Variants in SUPT6H observed in about 807,000 individuals in gnomAD.
The protein encoded by SUPT6H is transcription elongation factor SPT6.
SUPT6H carries 11 observed loss-of-function variants against 222.3 expected under a neutral mutation model. The observed-to-expected ratio is 0.05, with a 90% CI of 0.03 to 0.08. The LOEUF (loss-of-function observed/expected upper bound fraction) is 0.08, where lower values mean the gene tolerates loss of function less well. SUPT6H is among the 10% of genes least tolerant of loss of function. The pLI is 1.00. For synonymous variants in SUPT6H, 762 were observed against 801.2 expected (o/e 0.95, Z 0.83); for missense variants, 1,422 against 2,216.0 (o/e 0.64, Z 7.19).
chr17:28,673,078 G>T (rs1010324638), intron 1 of SUPT6H, among the ~76,000 whole-genome samples: 5 of 151,634 alleles, frequency 3.3e-5, no homozygotes, highest in African/African-American at 1.2e-4. Context: ...TTGAACCCAG[G>T]AGGTGGAGGT....
intron 11 of SUPT6H, among the ~76,000 whole-genome samples, chr17:28,680,190 C>G (rs2031018736): frequency 6.6e-6 from 1 of 150,586 alleles, no homozygotes. Context: ...CCTGTAATCC[C>G]AGCTACTCAG....
At position 28,681,920 on chromosome 17, in the gene SUPT6H, C is replaced by T; in HGVS notation, c.1537C>T (p.Pro513Ser). The change falls in exon 13 of 37, where the codon CCT becomes TCT. Residue 513 changes from proline (P) to serine (S), a missense_variant. Physicochemically the swap from Pro to Ser is moderately conservative, Grantham distance 74. Coordinates refer to ENST00000314616, the MANE Select transcript of SUPT6H (RefSeq NM_003170.5). ...GGCAGAAGATGAGGAGCAGAGGGGG[C>T]CTGAGCTCAAGCAAGCCTCTCGCCG... ...DEAEDEEQRGPELKQASRRDM... is the reference protein window; with the variant it reads ...DEAEDEEQRGSELKQASRRDM... 1 of 1,610,536 alleles carries T rather than the reference C, an allele frequency of 6.2e-7. No individual in the cohort carries two copies. The highest frequency in any genetic ancestry group is 8.5e-7 in the Non-Finnish European group (1 of 1,179,170).
rs1567708652 is a variant in SUPT6H, at chr17:28,701,803, AT to A, written c.*179del. 1.5e-6 allele frequency: 1 copy of A among 645,166 alleles called. No homozygotes were observed. The highest frequency in any genetic ancestry group is 2.6e-6 in the Non-Finnish European group (1 of 385,720). The allele number at this position is 645,166 out of a possible 1,614,324, so 40.0% of individuals were successfully genotyped here. ...GGCCTTGTGAACTTGAGCTCAGTGT[AT>A]GCTAGGCAACAATTCTCCCGCTCCA... On this transcript the variant is annotated 3_prime_UTR_variant, in exon 37 of 37. Transcript: ENST00000314616.
In SUPT6H at chr17:28,683,171, C is replaced by A. The variant is rs544393037; in HGVS notation, c.1878+79C>A. 1.8e-5 allele frequency: 28 copies of A among 1,572,150 alleles called. No individual in the cohort carries two copies. The African/African-American group carries it at 2.7e-4, about 15-fold the overall frequency. On this transcript the variant is annotated intron_variant, in intron 15 of 36. Coordinates refer to ENST00000314616, the MANE Select transcript of SUPT6H (RefSeq NM_003170.5). ...TGCCTGAGTTTCTTGCCTTCCACTT[C>A]ACTGAGCTGTGTGTCTGAAAGCAGA...
intron 11 of SUPT6H, 85 bp downstream of exon 11, chr17:28,679,048 ATG>A: frequency 6.4e-7 from 1 of 1,558,764 alleles, no homozygotes. Flanking sequence ...ACCTTGGAGA[ATG>A]TGTAGCACAG....
In SUPT6H at chr17:28,687,389, G is replaced by T. The variant is rs372367626; in HGVS notation, c.2924G>T (p.Arg975Leu). 1.9e-6 allele frequency: 3 copies of T among 1,614,154 alleles called. No homozygotes were observed. The highest frequency in any genetic ancestry group is 1.7e-5 in the Admixed American group (1 of 60,012). ...RVNEVGVDVN[R>L]AIAHPYSQAL... The stretch of plus-strand genomic sequence containing the variant: ...AATGAGGTCGGGGTCGATGTCAACC[G>T]TGCCATTGCCCACCCTTACAGCCAG... Residue 975 changes from arginine to leucine, a missense_variant, in exon 23 of 37, where the codon CGT (arginine) becomes CTT (leucine). Coordinates refer to ENST00000314616, the MANE Select transcript of SUPT6H (RefSeq NM_003170.5).
Position 28,684,897 on chromosome 17 carries a change from T to A in SUPT6H, c.2423T>A (p.Phe808Tyr), listed in dbSNP as rs756018519. The A allele has an allele frequency of 1.2e-6, 2 of 1,614,238 alleles. No homozygotes were observed. Among genetic ancestry groups the A allele is most frequent in the Non-Finnish European group, 1.7e-6 (2 of 1,180,042 alleles). ...AATGGTGAAGGAGAAGTGACAGACTTCCTTCGACTGCCCCATTTTACCAAA... is the reference window on the plus strand; with the variant it reads ...AATGGTGAAGGAGAAGTGACAGACTACCTTCGACTGCCCCATTTTACCAAA... ...LVNGEGEVTD[F>Y]LRLPHFTKRR... The change falls in exon 19 of 37, where the codon TTC becomes TAC. Residue 808 changes from phenylalanine to tyrosine, a missense_variant. By Grantham distance (22) the Phe-to-Tyr change is conservative (BLOSUM62 3). This residue lies in a region of SUPT6H where 294 missense variants were observed against 382.1 expected (regional missense o/e 0.77). Transcript: ENST00000314616.
intron 1 of SUPT6H, chr17:28,670,900 A>G: frequency 6.5e-6 from 1 of 153,224 alleles, no homozygotes; most frequent in Non-Finnish European, 1.5e-5. Flanking sequence ...AAAAAAAAGA[A>G]AGAAAATGAA....
intron 1 of SUPT6H, among the ~76,000 whole-genome samples, chr17:28,669,128 A>G (rs945606626): frequency 1.3e-5 from 2 of 152,252 alleles, no homozygotes; most frequent in Non-Finnish European, 2.9e-5. Flanking sequence ...TGAGACATTT[A>G]AAAATATTTA....
rs776210341 is a variant in SUPT6H at position 28,688,240 on chromosome 17, G to C, written c.3134+22G>C. 6.2e-7 allele frequency: 1 copy of C among 1,608,648 alleles called. No individual in the cohort carries two copies. The highest frequency in any genetic ancestry group is 1.7e-5 in the Admixed American group (1 of 59,314). On this transcript the variant is annotated intron_variant, in intron 24 of 36. Transcript: ENST00000314616. This position sits in a 1 kb window ranked among gnomAD's most constrained non-coding sequence, Gnocchi z 4.3. ...ACAGGTGATGCCCTCTGCCTGGATG[G>C]GGCAGGAGGAATTCCCTTGTGGGCT...
chr17:28,674,203 G>A, intron 2 of SUPT6H, 80 bp from the exon 3 acceptor site: 4 of 1,558,514 alleles, frequency 2.6e-6, no homozygotes, highest in African/African-American at 1.4e-5. Context: ...CAGAGCAAAT[G>A]GATAATCACA....
At chr17:28,686,929 G>T (rs1490467347) in intron 21 of SUPT6H, 140 bp downstream of exon 21, 2 of 1,475,598 alleles carry the variant, frequency 1.4e-6, no homozygotes, top group Admixed American at 4.5e-5. Flanking sequence ...CCGTTTTGCA[G>T]TTACGGTTCA....
At position 28,683,441 on chromosome 17, in the gene SUPT6H, T is replaced by G. The variant is rs1567695557; in HGVS notation, c.2033+19T>G. On this transcript the variant is annotated intron_variant, in intron 16 of 36. Coordinates refer to ENST00000314616, the MANE Select transcript of SUPT6H (RefSeq NM_003170.5). ...TGGAAGGGTAAGCAGAGCCCTGGGC[T>G]GGCGACTCTCTGGGGAAGGCCTGAT... The G allele has an allele frequency of 6.2e-7, 1 of 1,613,226 alleles. No homozygotes were observed. The highest frequency in any genetic ancestry group is 2.2e-5 in the East Asian group (1 of 44,868).
At chr17:28,691,324 G>A (rs545841371) in intron 27 of SUPT6H, 11 of 382,116 alleles carry the variant, frequency 2.9e-5, no homozygotes, top group African/African-American at 1.4e-4. Flanking sequence ...TCAGGGGTTC[G>A]AGACCAGCCT....
chr17:28,685,665 G>A (rs1243545472), intron 19 of SUPT6H, among the ~76,000 whole-genome samples: 2 of 152,048 alleles, frequency 1.3e-5, no homozygotes, highest in African/African-American at 4.8e-5. Context: ...TGTATTTTTT[G>A]TAGAGACACG....
In SUPT6H at chr17:28,683,063, AAT is replaced by A; in HGVS notation, c.1853_1854del (p.Ile618AsnfsTer7). 1 of 1,609,838 alleles carries A rather than the reference AAT, an allele frequency of 6.2e-7. No homozygotes were observed. The highest frequency in any genetic ancestry group is 1.7e-5 in the Admixed American group (1 of 58,406). On this transcript the variant is annotated frameshift_variant, in exon 15 of 37. Transcript: ENST00000314616. LOFTEE classifies it high-confidence loss of function. ...RQTFQERAKL[N>X]ITPTKKGRKD... ...AACCTTCCAAGAGAGAGCCAAGTTAAATATAACCCCCACCAAGAAAGGTAGAA... is the reference window on the plus strand; with the variant it reads ...AACCTTCCAAGAGAGAGCCAAGTTAAATAACCCCCACCAAGAAAGGTAGAA...
intron 23 of SUPT6H, among the ~76,000 whole-genome samples, chr17:28,687,809 C>T (rs1313319481): frequency 1.3e-5 from 2 of 152,126 alleles, no homozygotes; most frequent in Non-Finnish European, 2.9e-5. Context: ...TGAGCCACTG[C>T]GCCCGGCCAA....
At position 28,667,394 on chromosome 17, in the gene SUPT6H, A is replaced by AGT. The variant is rs1276806457; in HGVS notation, c.-32+5063_-32+5064dup. ...TCAAAAAAAAAAAAAAAAAAAAAAA[A>AGT]GTGTGTGTGTGTATATATATATATA... On this transcript the variant is annotated intron_variant, in intron 1 of 36. Coordinates refer to ENST00000314616, the MANE Select transcript of SUPT6H (RefSeq NM_003170.5). Among the ~76,000 whole-genome samples, 483 of 59,302 alleles carry AGT rather than the reference A, an allele frequency of 8.1e-3. 20 individuals are homozygous for AGT. The highest frequency in any genetic ancestry group is 0.025 in the African/African-American group (386 of 15,162). 38.9% of individuals were successfully genotyped at this position (59,302 alleles called of 152,430 possible).
At position 28,683,363 on chromosome 17, in the gene SUPT6H, G is replaced by T. The variant is rs2031216879; in HGVS notation, c.1974G>T (p.Leu658=). Residue 658 remains leucine (L), a synonymous_variant, in exon 16 of 37, where the codon CTG becomes CTT. Transcript: ENST00000314616. ...LRDDQFLKIC[L]AEDEGLLTTD... ...ATGACCAGTTTCTCAAGATATGCCTGGCTGAAGACGAAGGGCTCCTCACCA... is the reference window on the plus strand; with the variant it reads ...ATGACCAGTTTCTCAAGATATGCCTTGCTGAAGACGAAGGGCTCCTCACCA... The T allele has an allele frequency of 6.2e-7, 1 of 1,614,052 alleles. No individual in the cohort carries two copies. The highest frequency in any genetic ancestry group is 1.1e-5 in the South Asian group (1 of 91,090).
Sources: allele counts gnomAD v4.1 joint callset (sites outside exome capture counted in the v4.1 genomes callset), GRCh38; gene constraint gnomAD v4.1.1; regional missense constraint gnomAD v4.1.1; non-coding constraint Gnocchi (gnomAD v3.1); transcripts MANE v1.5; gene names NCBI Gene and HGNC (gene_info 2026-07-23, HGNC 2026-07-21).